Variants in DOK6 observed in about 807,000 individuals in gnomAD.
The protein encoded by DOK6 is downstream of tyrosine kinase 6.
DOK6 carries 22 observed loss-of-function variants against 44.0 expected under a neutral mutation model. That is an observed-to-expected ratio of 0.50 (90% confidence interval 0.36 to 0.71). The LOEUF is 0.71. Ranked by LOEUF, DOK6 falls within the 30% of genes least tolerant of loss-of-function variation. The pLI is 0.00. For missense variants in DOK6, 340 were observed against 416.4 expected (o/e 0.82, Z 1.60); for synonymous variants, 166 against 145.5 (o/e 1.14, Z -1.01).
At chr18:69,563,099 C>A (rs375006757) in intron 1 of DOK6, among the ~76,000 whole-genome samples, 31 of 152,098 alleles carry the variant, frequency 2.0e-4, no homozygotes, top group African/African-American at 4.1e-4. Flanking sequence ...AACCACAATG[C>A]GATACCATCT....
intron 1 of DOK6, among the ~76,000 whole-genome samples, chr18:69,561,299 C>T (rs1982826205): frequency 7.0e-6 from 1 of 143,746 alleles, no homozygotes; most frequent in Non-Finnish European, 1.6e-5. Context: ...TATTAAGTTT[C>T]CACTATATCA....
intron 4 of DOK6, among the ~76,000 whole-genome samples, chr18:69,691,139 T>C (rs1986254813): frequency 6.6e-6 from 1 of 151,434 alleles, no homozygotes; most frequent in Non-Finnish European, 1.5e-5. Flanking sequence ...GCCAAGATCG[T>C]ACCATTGCAC....
At chr18:69,781,086 C>G (rs1980251234) in intron 7 of DOK6, among the ~76,000 whole-genome samples, 1 of 152,192 alleles carries the variant, frequency 6.6e-6, no homozygotes, top group Non-Finnish European at 1.5e-5. Context: ...AGAAAACACT[C>G]TGAAAATAGA....
At chr18:69,452,745 G>T (rs200079322) in intron 1 of DOK6, among the ~76,000 whole-genome samples, 2 of 142,578 alleles carry the variant, frequency 1.4e-5, no homozygotes, top group Non-Finnish European at 3.0e-5. Flanking sequence ...GGGATGCAAG[G>T]CTGGTTCAAT....
intron 3 of DOK6, among the ~76,000 whole-genome samples, chr18:69,651,347 T>C (rs1485944193): frequency 6.6e-6 from 1 of 152,120 alleles, no homozygotes; most frequent in Non-Finnish European, 1.5e-5. Flanking sequence ...ATAGTCCAAT[T>C]TATGCACTTT....
intron 7 of DOK6, among the ~76,000 whole-genome samples, chr18:69,825,771 T>A (rs781369128): frequency 2.0e-5 from 3 of 152,016 alleles, no homozygotes; most frequent in Non-Finnish European, 4.4e-5. Context: ...GAAACGAAAG[T>A]AAAACGTAAA....
intron 2 of DOK6, among the ~76,000 whole-genome samples, chr18:69,578,517 A>G (rs1281480247): frequency 6.6e-6 from 1 of 152,198 alleles, no homozygotes; most frequent in East Asian, 1.9e-4. Flanking sequence ...GTGTGAAAGA[A>G]TGTTCGGTAC....
At chr18:69,451,972 A>C (rs1402728039) in intron 1 of DOK6, among the ~76,000 whole-genome samples, 8 of 130,116 alleles carry the variant, frequency 6.1e-5, no homozygotes, top group African/African-American at 1.2e-4. Context: ...AAAGATCCAA[A>C]ATTGACACCC....
At chr18:69,662,199 C>G (rs1454005475) in intron 3 of DOK6, 1 of 152,216 alleles carries the variant, frequency 6.6e-6, no homozygotes, top group Non-Finnish European at 1.5e-5. Flanking sequence ...AGGCTGGTCT[C>G]AAACTCCTAA....
At chr18:69,585,055 GTCTT>G (rs1355374001) in intron 2 of DOK6, among the ~76,000 whole-genome samples, 2 of 150,414 alleles carry the variant, frequency 1.3e-5, no homozygotes, top group Non-Finnish European at 3.0e-5. Flanking sequence ...TCATTATTAT[GTCTT>G]TCTTTATGGA....
intron 7 of DOK6, among the ~76,000 whole-genome samples, chr18:69,815,287 G>C (rs1469866275): frequency 6.6e-6 from 1 of 152,128 alleles, no homozygotes; most frequent in Non-Finnish European, 1.5e-5. Flanking sequence ...AAGGAAGGGA[G>C]GGCAAGGAGG....
chr18:69,624,980 A>G (rs952256985), intron 3 of DOK6, among the ~76,000 whole-genome samples: 1 of 152,130 alleles, frequency 6.6e-6, no homozygotes, highest in Non-Finnish European at 1.5e-5. Context: ...AATTTTTATT[A>G]AGTATCACTA....
chr18:69,675,639 C>T (rs1357177838), intron 3 of DOK6, among the ~76,000 whole-genome samples: 1 of 151,940 alleles, frequency 6.6e-6, no homozygotes, highest in Admixed American at 6.6e-5. Flanking sequence ...ACGTTGTGCA[C>T]ATGTACCCTA....
At chr18:69,730,096 C>A (rs1266547220) in intron 5 of DOK6, among the ~76,000 whole-genome samples, 2 of 152,110 alleles carry the variant, frequency 1.3e-5, no homozygotes, top group African/African-American at 4.8e-5. Context: ...AAGTAAAAAG[C>A]TAAAACAACT....
intron 1 of DOK6, among the ~76,000 whole-genome samples, chr18:69,477,145 C>A (rs1250571397): frequency 2.0e-5 from 3 of 152,116 alleles, no homozygotes; most frequent in Non-Finnish European, 4.4e-5. Context: ...ATATGACAAT[C>A]CCATGGTGAC....
At chr18:69,452,642 C>T (rs1193149064) in intron 1 of DOK6, among the ~76,000 whole-genome samples, 4 of 146,100 alleles carry the variant, frequency 2.7e-5, no homozygotes, top group Non-Finnish European at 6.0e-5. Flanking sequence ...CCTTGATGAA[C>T]ATTGATGCAA....
At chr18:69,517,996 G>A (rs1981579569) in intron 1 of DOK6, among the ~76,000 whole-genome samples, 1 of 151,968 alleles carries the variant, frequency 6.6e-6, no homozygotes, top group East Asian at 1.9e-4. Flanking sequence ...GAAAGGCATG[G>A]CTTTTAACTT....
At chr18:69,665,591 G>A (rs1452742186) in intron 3 of DOK6, among the ~76,000 whole-genome samples, 2 of 152,144 alleles carry the variant, frequency 1.3e-5, no homozygotes, top group South Asian at 2.1e-4. Flanking sequence ...AAGCGAGCAT[G>A]GGAGCATACA....
chr18:69,612,655 G>A (rs542925969), intron 3 of DOK6, among the ~76,000 whole-genome samples: 2 of 150,534 alleles, frequency 1.3e-5, no homozygotes, highest in East Asian at 3.9e-4. Context: ...ACCCTAAAGC[G>A]GGGCTTCACA....
Sources: allele counts gnomAD v4.1 joint callset (sites outside exome capture counted in the v4.1 genomes callset), GRCh38; gene constraint gnomAD v4.1.1; transcripts MANE v1.5; gene names NCBI Gene and HGNC (gene_info 2026-07-23, HGNC 2026-07-21).